Variants in GAB2 observed in about 807,000 individuals in gnomAD.
GAB2 encodes GRB2-associated-binding protein 2.
In GAB2, 26 loss-of-function variants were observed where a neutral mutation model predicts 65.5. That is an observed-to-expected ratio of 0.40 (90% CI 0.29 to 0.55). The LOEUF (loss-of-function observed/expected upper bound fraction) is 0.55, where lower values mean the gene tolerates loss of function less well. Among genes scored for constraint, GAB2 ranks in the 20% least tolerant of loss-of-function variants. The pLI is 0.53. For missense variants in GAB2, 884 were observed against 875.8 expected (o/e 1.01, Z -0.12); for synonymous variants, 321 against 329.6 (o/e 0.97, Z 0.28).
intron 3 of GAB2, chr11:78,231,863 G>A (rs1238050423): frequency 6.6e-6 from 1 of 152,232 alleles, no homozygotes; most frequent in Non-Finnish European, 1.5e-5. Flanking sequence ...TAAAATGCTT[G>A]TAAGTAGATT....
intron 2 of GAB2, among the ~76,000 whole-genome samples, chr11:78,259,369 GAGAGGA>G (rs1348171281): frequency 2.6e-5 from 4 of 152,190 alleles, no homozygotes; most frequent in Non-Finnish European, 5.9e-5. Flanking sequence ...TTCTAGTGCA[GAGAGGA>G]TGACGAAAGA....
chr11:78,263,302 C>CA (rs901129671), intron 2 of GAB2, among the ~76,000 whole-genome samples: 1 of 152,076 alleles, frequency 6.6e-6, no homozygotes, highest in Non-Finnish European at 1.5e-5. Flanking sequence ...TAGGCACAAA[C>CA]AATGTGCTAG....
At chr11:78,266,972 GAGA>G (rs1292985267) in intron 2 of GAB2, among the ~76,000 whole-genome samples, 1 of 152,240 alleles carries the variant, frequency 6.6e-6, no homozygotes, top group African/African-American at 2.4e-5. Flanking sequence ...TCTGGGAAAA[GAGA>G]AGCAGATTTT....
chr11:78,368,866 T>TA (rs1856532139), intron 1 of GAB2, among the ~76,000 whole-genome samples: 2 of 151,886 alleles, frequency 1.3e-5, no homozygotes, highest in South Asian at 4.2e-4. Context: ...TGCTTGAGGC[T>TA]AGGAGTTTGA....
chr11:78,333,211 C>G (rs1489884604), intron 1 of GAB2, among the ~76,000 whole-genome samples: 1 of 152,124 alleles, frequency 6.6e-6, no homozygotes, highest in Non-Finnish European at 1.5e-5. Context: ...ACTGATAAGT[C>G]CTTCTTCTAG....
rs114509991 is a variant in GAB2 at position 78,368,395 on chromosome 11, G to A, written c.75+49251C>T. 8.3e-3 allele frequency among the ~76,000 whole-genome samples: 1,266 copies of A among 152,278 alleles called. 14 individuals are homozygous for A. The highest frequency in any genetic ancestry group is 0.029 in the African/African-American group (1,193 of 41,550). On this transcript the variant is annotated intron_variant, in intron 1 of 9. Coordinates refer to ENST00000361507, the MANE Select transcript of GAB2 (RefSeq NM_080491.3). ...CTTCTGTCACCTGAAATTCTCAAGT[G>A]AGGGACTTTATGTAAATTATCCTGG...
intron 1 of GAB2, among the ~76,000 whole-genome samples, chr11:78,319,574 G>C (rs1180095631): frequency 1.3e-5 from 2 of 152,114 alleles, no homozygotes; most frequent in Non-Finnish European, 2.9e-5. Context: ...GATAGAACCA[G>C]ACATAATGAC....
intron 1 of GAB2, among the ~76,000 whole-genome samples, chr11:78,336,185 A>C (rs1227433833): frequency 6.6e-6 from 1 of 151,684 alleles, no homozygotes; most frequent in African/African-American, 2.4e-5. Flanking sequence ...ATAGTGGTGC[A>C]CGCCTGTAGT....
At chr11:78,250,426 A>G (rs2134523271) in intron 2 of GAB2, 26 bp from the exon 3 acceptor site, 1 of 1,605,622 alleles carries the variant, frequency 6.2e-7, no homozygotes, top group East Asian at 2.2e-5. Flanking sequence ...AGCTCTGTGA[A>G]TGAAAAAGGA....
At chr11:78,404,651 C>A (rs1857018019) in intron 1 of GAB2, among the ~76,000 whole-genome samples, 1 of 152,182 alleles carries the variant, frequency 6.6e-6, no homozygotes, top group Non-Finnish European at 1.5e-5. Context: ...CAAAATAAGC[C>A]AGGAACAGAA....
chr11:78,307,012 T>G (rs746125503), intron 1 of GAB2, among the ~76,000 whole-genome samples: 1 of 152,220 alleles, frequency 6.6e-6, no homozygotes, highest in African/African-American at 2.4e-5. Context: ...CATAATTCAA[T>G]GGAACTGATC....
intron 1 of GAB2, among the ~76,000 whole-genome samples, chr11:78,381,833 AC>A (rs1371931432): frequency 6.6e-6 from 1 of 152,212 alleles, no homozygotes; most frequent in African/African-American, 2.4e-5. Context: ...TAATCAGAGA[AC>A]CAGAGGTGGC....
intron 1 of GAB2, among the ~76,000 whole-genome samples, chr11:78,334,562 T>C (rs1325455799): frequency 6.6e-6 from 1 of 152,344 alleles, no homozygotes; most frequent in Non-Finnish European, 1.5e-5. Flanking sequence ...TCTAGTTCCA[T>C]CCATGTTGTT....
intron 1 of GAB2, among the ~76,000 whole-genome samples, chr11:78,305,711 G>C (rs1855341170): frequency 6.6e-6 from 1 of 152,156 alleles, no homozygotes; most frequent in Non-Finnish European, 1.5e-5. Flanking sequence ...AAATATTAGA[G>C]TTGAAACATA....
chr11:78,227,667 C>G (rs1424316898), intron 3 of GAB2, among the ~76,000 whole-genome samples: 1 of 143,288 alleles, frequency 7.0e-6, no homozygotes, highest in Non-Finnish European at 1.5e-5. Context: ...GGGCAGGGTG[C>G]TGCACACCTG....
rs1466564640 is a variant in GAB2, at chr11:78,291,555, CTTTTTCTTT to C, written c.76-10663_76-10655del. ...CCTATCTTGAGAGACTTACTTTTTT[CTTTTTCTTT>C]TTTTTTTTTTTTTTTTTTTTTTTTT... On this transcript the variant is annotated intron_variant, in intron 1 of 9. Coordinates refer to ENST00000361507, the MANE Select transcript of GAB2 (RefSeq NM_080491.3). 1.0e-3 allele frequency among the ~76,000 whole-genome samples: 57 copies of C among 55,044 alleles called. 3 individuals are homozygous for C. The East Asian group carries it at 0.013, about 13-fold the overall frequency. 36.1% of individuals were successfully genotyped at this position (55,044 alleles called of 152,430 possible). A position where few individuals can be genotyped will look rare whatever the true frequency, so the allele number is the denominator to read the frequency against.
rs1053806800 is a variant in GAB2, at chr11:78,215,708, C to T, written c.*3564G>A. 1.3e-5 allele frequency: 2 copies of T among 152,378 alleles called. No individual in the cohort carries two copies. The highest frequency in any genetic ancestry group is 2.9e-5 in the Non-Finnish European group (2 of 68,050). The allele number at this position is 152,378 out of a possible 1,614,324, so 9.4% of individuals were successfully genotyped here. A position where few individuals can be genotyped will look rare whatever the true frequency, so the allele number is the denominator to read the frequency against. On this transcript the variant is annotated 3_prime_UTR_variant, in exon 10 of 10. Transcript: ENST00000361507. The stretch of plus-strand genomic sequence containing the variant: ...ACAGCCTGGATCTCTTGGGGACCCC[C>T]TCGGCAGGTACCCCATTGTGGTCCC...
chr11:78,220,310 T>C lies in GAB2; in HGVS notation c.1887+9A>G, dbSNP rs746847812. 3 of 1,611,880 alleles carry C rather than the reference T, an allele frequency of 1.9e-6. No homozygotes were observed. The highest frequency in any genetic ancestry group is 2.5e-6 in the Non-Finnish European group (3 of 1,179,720). ...GCTCTTACTGCCCCCCCAACTCTAC[T>C]CCAGGCACCTTGCGGTGGGGGCTTG... On this transcript the variant is annotated intron_variant, in intron 9 of 9. Transcript: ENST00000361507.
intron 1 of GAB2, among the ~76,000 whole-genome samples, chr11:78,386,462 T>A (rs1366065673): frequency 6.6e-6 from 1 of 152,242 alleles, no homozygotes. Flanking sequence ...TCCAGGTATC[T>A]GTTTCTTTGT....
Sources: gnomAD v4.1 joint callset for allele counts (sites outside exome capture counted in the v4.1 genomes callset) on GRCh38, gnomAD v4.1.1 for gene constraint, MANE v1.5 for transcripts, NCBI Gene and HGNC (gene_info 2026-07-23, HGNC 2026-07-21) for gene names.